Variants in ADCY2 observed in about 807,000 individuals in gnomAD.
ADCY2 encodes the protein adenylate cyclase 2.
A neutral mutation model predicts 125.2 loss-of-function variants in ADCY2; 31 were observed. The ratio of observed to expected loss-of-function variants is 0.25; its 90% CI spans 0.19 to 0.33. ADCY2 has a LOEUF of 0.33. ADCY2 is among the 10% of genes least tolerant of loss of function. ADCY2 has a pLI of 1.00. For synonymous variants in ADCY2, 512 were observed against 548.4 expected (o/e 0.93, Z 0.93); for missense variants, 904 against 1,418.2 (o/e 0.64, Z 5.82).
Position 7,551,019 on chromosome 5 carries a change from T to G in ADCY2, c.570+30120T>G, listed in dbSNP as rs1285189274. Among the ~76,000 whole-genome samples the G allele has an allele frequency of 4.2e-5, 4 of 95,428 alleles. No homozygotes were observed. The East Asian group carries it at 1.3e-3, about 32-fold the overall frequency. The allele number at this position is 95,428 out of a possible 152,430, so 62.6% of individuals were successfully genotyped here. A position where few individuals can be genotyped will look rare whatever the true frequency, so the allele number is the denominator to read the frequency against. Reference sequence around the variant, plus strand: ...AGCTAGGCCTCCCTTCTTCCCTCCCTCCCTCCCTCCCTCCCTTCCTCCCTT... The same window carrying G: ...AGCTAGGCCTCCCTTCTTCCCTCCCGCCCTCCCTCCCTCCCTTCCTCCCTT... On this transcript the variant is annotated intron_variant, in intron 3 of 24. Transcript: ENST00000338316.
At chr5:7,602,571 T>A (rs1489927637) in intron 3 of ADCY2, among the ~76,000 whole-genome samples, 1 of 152,132 alleles carries the variant, frequency 6.6e-6, no homozygotes, top group African/African-American at 2.4e-5. Flanking sequence ...ACCCTTAAAT[T>A]CTCTTGCCAA....
At chr5:7,707,094 C>G (rs940316445) in intron 8 of ADCY2, among the ~76,000 whole-genome samples, 192 bp downstream of exon 8, 4 of 152,178 alleles carry the variant, frequency 2.6e-5, no homozygotes, top group Non-Finnish European at 4.4e-5. Flanking sequence ...GTCACGACCC[C>G]GTTGTCCATA....
At chr5:7,496,783 A>G (rs1743360475) in intron 2 of ADCY2, among the ~76,000 whole-genome samples, 1 of 152,180 alleles carries the variant, frequency 6.6e-6, no homozygotes, top group Non-Finnish European at 1.5e-5. Flanking sequence ...TCCAATATAT[A>G]AGGAACAAAA....
At chr5:7,426,046 G>C (rs1740374010) in intron 2 of ADCY2, among the ~76,000 whole-genome samples, 1 of 152,142 alleles carries the variant, frequency 6.6e-6, no homozygotes, top group African/African-American at 2.4e-5. Context: ...TCAGAGGCGA[G>C]GTAGTAAAGT....
At chr5:7,641,362 G>T (rs1201675819) in intron 4 of ADCY2, among the ~76,000 whole-genome samples, 1 of 152,130 alleles carries the variant, frequency 6.6e-6, no homozygotes, top group East Asian at 1.9e-4. Flanking sequence ...AAAACACAGA[G>T]ATTCCCAAGC....
intron 18 of ADCY2, among the ~76,000 whole-genome samples, chr5:7,783,921 G>A (rs1431998424): frequency 6.6e-6 from 1 of 152,164 alleles, no homozygotes; most frequent in African/African-American, 2.4e-5. Flanking sequence ...CTGCTTGAAA[G>A]TTATATGAAA....
intron 3 of ADCY2, among the ~76,000 whole-genome samples, chr5:7,526,709 T>C (rs1281871400): frequency 6.6e-6 from 1 of 152,194 alleles, no homozygotes; most frequent in African/African-American, 2.4e-5. Context: ...TTTCAGCCAC[T>C]CTCTGATTTA....
At chr5:7,397,445 GTTTTTTTTTTTTTT>G (rs767411861) in intron 1 of ADCY2, among the ~76,000 whole-genome samples, 18 of 70,106 alleles carry the variant, frequency 2.6e-4, no homozygotes, top group Non-Finnish European at 3.5e-4. Context: ...CCACCAGTGA[GTTTTTTTTTTTTTT>G]TTTTTTTTTT....
chr5:7,820,515 G>A (rs1333744148), intron 23 of ADCY2, 50 bp from the exon 24 acceptor site: 2 of 1,604,524 alleles, frequency 1.2e-6, no homozygotes, highest in Admixed American at 3.4e-5. Flanking sequence ...AAAATAAAAA[G>A]ACAATGGTTA....
chr5:7,694,929 C>T (rs1740842037), intron 5 of ADCY2, among the ~76,000 whole-genome samples: 1 of 152,172 alleles, frequency 6.6e-6, no homozygotes, highest in Admixed American at 6.5e-5. Context: ...CATCCACAAC[C>T]ATTATTTGTA....
chr5:7,716,610 G>A (rs1006620506), intron 11 of ADCY2, among the ~76,000 whole-genome samples: 2 of 152,196 alleles, frequency 1.3e-5, no homozygotes, highest in African/African-American at 4.8e-5. Context: ...TGTTAATAGA[G>A]AAGAGCCTGC....
intron 4 of ADCY2, among the ~76,000 whole-genome samples, chr5:7,645,952 T>C (rs1417282131): frequency 6.6e-6 from 1 of 152,208 alleles, no homozygotes; most frequent in Non-Finnish European, 1.5e-5. Context: ...TGCACTTCAA[T>C]TTATATGCGA....
chr5:7,723,007 T>C (rs1741812680), intron 12 of ADCY2, among the ~76,000 whole-genome samples: 1 of 133,064 alleles, frequency 7.5e-6, no homozygotes, highest in Non-Finnish European at 1.6e-5. Flanking sequence ...TGCAAGGACA[T>C]GGATGGAGCT....
At chr5:7,632,462 G>A (rs948487635) in intron 4 of ADCY2, among the ~76,000 whole-genome samples, 8 of 151,232 alleles carry the variant, frequency 5.3e-5, no homozygotes, top group African/African-American at 1.9e-4. Flanking sequence ...TTTCTCTTTG[G>A]CATCTCTTCC....
chr5:7,648,948 T>A (rs1738993934), intron 4 of ADCY2, among the ~76,000 whole-genome samples: 2 of 152,178 alleles, frequency 1.3e-5, no homozygotes, highest in South Asian at 4.1e-4. Flanking sequence ...GTCTCATAAA[T>A]TTGAGAGCTC....
At chr5:7,755,515 T>G (rs1348742487) in intron 15 of ADCY2, among the ~76,000 whole-genome samples, 2 of 152,112 alleles carry the variant, frequency 1.3e-5, no homozygotes, top group African/African-American at 4.8e-5. Context: ...TAAGAAACAT[T>G]GTGTTTTCTT....
At chr5:7,577,191 G>A (rs1377599568) in intron 3 of ADCY2, among the ~76,000 whole-genome samples, 1 of 152,118 alleles carries the variant, frequency 6.6e-6, no homozygotes, top group Non-Finnish European at 1.5e-5. Flanking sequence ...AAGTATTCCA[G>A]GGTGGACAGG....
intron 2 of ADCY2, among the ~76,000 whole-genome samples, chr5:7,444,304 A>G (rs1174525269): frequency 1.3e-5 from 2 of 151,684 alleles, no homozygotes; most frequent in African/African-American, 2.4e-5. Context: ...TTTAGTAGAG[A>G]TGGGGTTTCA....
chr5:7,612,297 A>G lies in ADCY2; in HGVS notation c.571-13870A>G, dbSNP rs115580243. Reference sequence around the variant, plus strand: ...GAAAGACAAGTCTTTTTGCACTTCAATGAAATGACAAAATAGTCAAATATG... The same window carrying G: ...GAAAGACAAGTCTTTTTGCACTTCAGTGAAATGACAAAATAGTCAAATATG... On this transcript the variant is annotated intron_variant, in intron 3 of 24. Coordinates refer to ENST00000338316, the MANE Select transcript of ADCY2 (RefSeq NM_020546.3). 3.3e-3 allele frequency among the ~76,000 whole-genome samples: 507 copies of G among 152,362 alleles called. 1 individual carries two copies. Among genetic ancestry groups the G allele is most frequent in the African/African-American group, 0.011 (470 of 41,594 alleles).
Sources: allele counts gnomAD v4.1 joint callset (sites outside exome capture counted in the v4.1 genomes callset), GRCh38; gene constraint gnomAD v4.1.1; transcripts MANE v1.5; gene names NCBI Gene and HGNC (gene_info 2026-07-23, HGNC 2026-07-21).